Variants in HDAC9 observed in about 807,000 individuals in gnomAD.
HDAC9 encodes histone deacetylase 9.
HDAC9 carries 41 observed loss-of-function variants against 139.4 expected under a neutral mutation model. The observed-to-expected ratio is 0.29, with a 90% confidence interval of 0.23 to 0.38. HDAC9 has a LOEUF of 0.38. HDAC9 is among the 10% of genes least tolerant of loss of function. The pLI is 1.00. For missense variants in HDAC9, 1,147 were observed against 1,297.0 expected (o/e 0.88, Z 1.78); for synonymous variants, 517 against 476.2 (o/e 1.09, Z -1.12).
chr7:18,879,875 G>C (rs1799596780), intron 22 of HDAC9, among the ~76,000 whole-genome samples: 1 of 152,012 alleles, frequency 6.6e-6, no homozygotes, highest in Non-Finnish European at 1.5e-5. Context: ...TTAACAGACA[G>C]CCTACAGCAT....
chr7:18,689,404 A>G (rs139262801), intron 12 of HDAC9, among the ~76,000 whole-genome samples: 1 of 151,988 alleles, frequency 6.6e-6, no homozygotes, highest in Non-Finnish European at 1.5e-5. Context: ...CACAAGGGTC[A>G]ATGGTAATTG....
chr7:18,971,312 A>C (rs79929323), intron 24 of HDAC9, among the ~76,000 whole-genome samples: 3,409 of 152,324 alleles, frequency 0.022, 123 homozygotes, highest in African/African-American at 0.078. Flanking sequence ...GGGAGTGTGC[A>C]TGTCCAATTT....
intron 23 of HDAC9, among the ~76,000 whole-genome samples, chr7:18,939,509 T>C (rs1469097012): frequency 2.0e-5 from 3 of 152,200 alleles, no homozygotes; most frequent in African/African-American, 7.2e-5. Flanking sequence ...TTCTTCTCAC[T>C]TTCATTGACA....
chr7:18,863,485 T>C (rs982375709), intron 21 of HDAC9, among the ~76,000 whole-genome samples: 3 of 152,174 alleles, frequency 2.0e-5, no homozygotes, highest in Admixed American at 2.0e-4. Flanking sequence ...TTAGTGTCAG[T>C]GTATTTTATG....
intron 22 of HDAC9, among the ~76,000 whole-genome samples, chr7:18,914,750 G>C (rs1323634898): frequency 2.2e-5 from 3 of 137,362 alleles, no homozygotes; most frequent in African/African-American, 7.6e-5. Context: ...AGTAGTCACT[G>C]TAAGTGTATT....
intron 2 of HDAC9, among the ~76,000 whole-genome samples, chr7:18,229,608 A>G (rs796609953): frequency 1.1e-4 from 16 of 152,330 alleles, no homozygotes; most frequent in East Asian, 3.9e-4. Context: ...TCAACTATGC[A>G]CAAAAATTGG....
chr7:18,401,177 A>T (rs1360414309), intron 1 of HDAC9, among the ~76,000 whole-genome samples: 1 of 152,176 alleles, frequency 6.6e-6, no homozygotes, highest in African/African-American at 2.4e-5. Flanking sequence ...AGTGTTATCC[A>T]CTTAAAGTGT....
chr7:18,979,871 G>A (rs996510764), intron 25 of HDAC9, among the ~76,000 whole-genome samples: 28 of 152,122 alleles, frequency 1.8e-4, no homozygotes, highest in Admixed American at 5.9e-4. Context: ...CATTCATGAG[G>A]GATCTGCCTC....
At chr7:18,596,740 G>T (rs1832619267) in intron 6 of HDAC9, among the ~76,000 whole-genome samples, 1 of 152,026 alleles carries the variant, frequency 6.6e-6, no homozygotes, top group Admixed American at 6.6e-5. Context: ...TCTCTTGTCT[G>T]CTTGGATTTC....
At chr7:18,671,345 T>C (rs1168924586) in intron 12 of HDAC9, among the ~76,000 whole-genome samples, 1 of 152,002 alleles carries the variant, frequency 6.6e-6, no homozygotes, top group Non-Finnish European at 1.5e-5. Flanking sequence ...CTGAGTCTGT[T>C]GTTCTGACTG....
intron 1 of HDAC9, among the ~76,000 whole-genome samples, chr7:18,351,298 TC>T (rs1407231680): frequency 6.6e-6 from 1 of 152,182 alleles, no homozygotes; most frequent in Non-Finnish European, 1.5e-5. Context: ...TCAATATTTT[TC>T]CCCTTAAAGA....
intron 11 of HDAC9, among the ~76,000 whole-genome samples, chr7:18,657,637 C>G (rs1294314630): frequency 6.6e-6 from 1 of 151,944 alleles, no homozygotes; most frequent in African/African-American, 2.4e-5. Context: ...GAACACTGCC[C>G]CAACCCCTGC....
intron 1 of HDAC9, among the ~76,000 whole-genome samples, chr7:18,402,778 C>T (rs1475854230): frequency 1.3e-5 from 2 of 152,148 alleles, no homozygotes; most frequent in Admixed American, 6.6e-5. Context: ...AGGTTGCTTT[C>T]AGGCACTTCT....
At chr7:18,610,125 A>G (rs1836705643) in intron 6 of HDAC9, among the ~76,000 whole-genome samples, 1 of 152,178 alleles carries the variant, frequency 6.6e-6, no homozygotes, top group African/African-American at 2.4e-5. Context: ...GGCACTATTC[A>G]CAATAGCAAA....
chr7:18,228,019 A>T (rs1793189095), intron 2 of HDAC9, among the ~76,000 whole-genome samples: 1 of 152,186 alleles, frequency 6.6e-6, no homozygotes, highest in South Asian at 2.1e-4. Flanking sequence ...ATTTCTATCC[A>T]GAATAAATCA....
intron 1 of HDAC9, among the ~76,000 whole-genome samples, chr7:18,461,562 C>A (rs1247539582): frequency 1.3e-5 from 2 of 152,026 alleles, no homozygotes; most frequent in Non-Finnish European, 2.9e-5. Flanking sequence ...AATACAATTT[C>A]TTTTTTATTA....
intron 6 of HDAC9, among the ~76,000 whole-genome samples, chr7:18,624,937 G>T (rs952952584): frequency 6.6e-6 from 1 of 151,966 alleles, no homozygotes; most frequent in Non-Finnish European, 1.5e-5. Flanking sequence ...GAAACATTAA[G>T]TAGGGGCCTT....
chr7:18,982,038 G>A lies in HDAC9; in HGVS notation c.3170+6085G>A, dbSNP rs573243159. Among the ~76,000 whole-genome samples, 30 of 152,236 alleles carry A rather than the reference G, an allele frequency of 2.0e-4. No individual in the cohort carries two copies. In the South Asian group the frequency reaches 6.2e-3, roughly 32 times the overall value. ...GAAGAGAATCAGGGTGGAAGAATGT[G>A]TAGATTTCACACAGTAAATAGGACA... On this transcript the variant is annotated intron_variant, in intron 25 of 25. Transcript: ENST00000686413.
At chr7:18,258,807 C>G (rs997510592) in intron 2 of HDAC9, among the ~76,000 whole-genome samples, 2 of 152,120 alleles carry the variant, frequency 1.3e-5, no homozygotes, top group African/African-American at 4.8e-5. Flanking sequence ...TCAGTAGCTT[C>G]TCTATTCAAC....
Sources: gnomAD v4.1 joint callset for allele counts (sites outside exome capture counted in the v4.1 genomes callset) on GRCh38, gnomAD v4.1.1 for gene constraint, MANE v1.5 for transcripts, NCBI Gene and HGNC (gene_info 2026-07-23, HGNC 2026-07-21) for gene names.